Variants in CNPY1 observed in about 807,000 individuals in gnomAD.
CNPY1 encodes canopy FGF signaling regulator 1, also known as protein canopy homolog 1.
Under a neutral mutation model 14.4 loss-of-function variants are expected in CNPY1, and 14 were observed. The observed-to-expected ratio is 0.97, with a 90% CI of 0.64 to 1.52. The LOEUF (loss-of-function observed/expected upper bound fraction) is 1.52, where lower values mean the gene tolerates loss of function less well. CNPY1 is among the 40% of genes most tolerant of loss of function. CNPY1 has a pLI of 0.00. For synonymous variants in CNPY1, 43 were observed against 46.5 expected, an observed-to-expected ratio of 0.92 and a Z score of 0.31; for missense variants, 129 against 131.5, an observed-to-expected ratio of 0.98 and a Z score of 0.09.
chr7:155,534,730 C>A (rs895183344), intron 2 of CNPY1, among the ~76,000 whole-genome samples: 1 of 152,192 alleles, frequency 6.6e-6, no homozygotes, highest in Admixed American at 6.5e-5. Context: ...GAGACTGGAA[C>A]GTAATGGGAC....
At position 155,502,982 on chromosome 7, in the gene CNPY1, A is replaced by G. The variant is rs1392038676; in HGVS notation, c.*86T>C. 11 of 1,261,544 alleles carry G rather than the reference A, an allele frequency of 8.7e-6. No individual in the cohort carries two copies. The highest frequency in any genetic ancestry group is 1.2e-5 in the Non-Finnish European group (11 of 890,368). 78.1% of individuals were successfully genotyped at this position (1,261,544 alleles called of 1,614,324 possible). Reference sequence around the variant, plus strand: ...AACAAGAGACAAAATTTTTCTTATCATGAAAGACAACATGCAAACATAAAA... The same window carrying G: ...AACAAGAGACAAAATTTTTCTTATCGTGAAAGACAACATGCAAACATAAAA... On this transcript the variant is annotated 3_prime_UTR_variant, in exon 5 of 5. Transcript: ENST00000636446.
chr7:155,532,343 C>T (rs529484966), intron 2 of CNPY1, among the ~76,000 whole-genome samples: 1 of 152,264 alleles, frequency 6.6e-6, no homozygotes, highest in South Asian at 2.1e-4. Context: ...CCCAGATGGG[C>T]CCGGGGCCGT....
intron 2 of CNPY1, among the ~76,000 whole-genome samples, chr7:155,524,564 G>T (rs753563785): frequency 3.3e-5 from 5 of 152,190 alleles, no homozygotes; most frequent in Non-Finnish European, 7.3e-5. Flanking sequence ...GATCCAGGTT[G>T]TGGGCTCCCT....
intron 2 of CNPY1, among the ~76,000 whole-genome samples, chr7:155,523,742 A>G (rs1261013757): frequency 1.3e-5 from 2 of 152,216 alleles, no homozygotes; most frequent in East Asian, 1.9e-4. Context: ...AGAGACACTC[A>G]AGTCCTAACC....
intron 3 of CNPY1, among the ~76,000 whole-genome samples, chr7:155,507,587 A>G (rs1433536702): frequency 2.0e-5 from 3 of 151,866 alleles, no homozygotes; most frequent in African/African-American, 7.3e-5. Context: ...TGTGAAAACA[A>G]TTAAGCCTTC....
rs1585335697 is a variant in CNPY1 at position 155,538,247 on chromosome 7, C to T, written c.99+7584G>A. On this transcript the variant is annotated intron_variant, in intron 2 of 4. Coordinates refer to ENST00000636446, the MANE Select transcript of CNPY1 (RefSeq NM_001393663.1). ...CTTGCAAAACAATTTAGGGGTGATC[C>T]CTGAAACTCCTGGTTGCTAAGTGTG... Among the ~76,000 whole-genome samples the T allele has an allele frequency of 5.3e-5, 8 of 152,316 alleles. No homozygotes were observed. In the East Asian group the frequency reaches 1.4e-3, roughly 26 times the overall value.
At chr7:155,530,020 T>C (rs1347269627) in intron 2 of CNPY1, among the ~76,000 whole-genome samples, 4 of 152,056 alleles carry the variant, frequency 2.6e-5, no homozygotes, top group Non-Finnish European at 5.9e-5. Flanking sequence ...CAACCTCAAG[T>C]GATCCACCCA....
In CNPY1 at chr7:155,532,116, G is replaced by A. The variant is rs147404841; in HGVS notation, c.99+13715C>T. On this transcript the variant is annotated intron_variant, in intron 2 of 4. Transcript: ENST00000636446. ...CAATGTCTAGGAGGATACTTCATAAGTTAAAATGATACTAACATTTAGAGA... is the reference window on the plus strand; with the variant it reads ...CAATGTCTAGGAGGATACTTCATAAATTAAAATGATACTAACATTTAGAGA... 3.1e-3 allele frequency among the ~76,000 whole-genome samples: 467 copies of A among 152,378 alleles called. 3 individuals carry two copies. The highest frequency in any genetic ancestry group is 0.011 in the African/African-American group (441 of 41,598).
chr7:155,528,762 A>G (rs895505210), intron 2 of CNPY1, among the ~76,000 whole-genome samples: 1 of 152,180 alleles, frequency 6.6e-6, no homozygotes, highest in African/African-American at 2.4e-5. Context: ...TTCTCCACCT[A>G]AGAAAAAACA....
intron 2 of CNPY1, among the ~76,000 whole-genome samples, chr7:155,528,876 T>C (rs1040055362): frequency 9.9e-5 from 15 of 152,128 alleles, no homozygotes; most frequent in East Asian, 3.9e-4. Context: ...CTGGCTAACA[T>C]GATGAAACTG....
intron 2 of CNPY1, among the ~76,000 whole-genome samples, chr7:155,525,021 C>A (rs1451779943): frequency 6.6e-6 from 1 of 152,132 alleles, no homozygotes; most frequent in Non-Finnish European, 1.5e-5. Context: ...GCCATCAGCA[C>A]CTGGTGAACT....
Position 155,521,079 on chromosome 7 carries a change from C to G in CNPY1, c.100-11982G>C, listed in dbSNP as rs113204498. Among the ~76,000 whole-genome samples, 251 of 90,654 alleles carry G rather than the reference C, an allele frequency of 2.8e-3. 1 individual carries two copies. Among genetic ancestry groups the G allele is most frequent in the African/African-American group, 9.3e-3 (218 of 23,392 alleles). 59.5% of individuals were successfully genotyped at this position (90,654 alleles called of 152,430 possible). On this transcript the variant is annotated intron_variant, in intron 2 of 4. Coordinates refer to ENST00000636446, the MANE Select transcript of CNPY1 (RefSeq NM_001393663.1). The stretch of plus-strand genomic sequence containing the variant: ...AGAAGGAAGGAAGGAAGGAAGGAAG[C>G]AAGGAAGGAAGGAAGGAAGGAAGGA...
At chr7:155,527,972 G>C (rs1247738114) in intron 2 of CNPY1, among the ~76,000 whole-genome samples, 1 of 152,150 alleles carries the variant, frequency 6.6e-6, no homozygotes, top group Non-Finnish European at 1.5e-5. Context: ...CAGCTTGAGA[G>C]CTCCTTTGCT....
chr7:155,508,401 T>A (rs1796402427), intron 3 of CNPY1, among the ~76,000 whole-genome samples: 1 of 152,194 alleles, frequency 6.6e-6, no homozygotes, highest in Non-Finnish European at 1.5e-5. Context: ...AAAGAGGTGG[T>A]TGCATCACTC....
intron 4 of CNPY1, among the ~76,000 whole-genome samples, chr7:155,505,924 T>A (rs2116664520): frequency 6.6e-6 from 1 of 152,196 alleles, no homozygotes; most frequent in Non-Finnish European, 1.5e-5. Flanking sequence ...AACTGGATTT[T>A]AAACAGAAAC....
At chr7:155,505,695 A>G (rs1455243064) in intron 4 of CNPY1, among the ~76,000 whole-genome samples, 6 of 152,224 alleles carry the variant, frequency 3.9e-5, no homozygotes, top group Non-Finnish European at 7.3e-5. Flanking sequence ...AGGGAAATTA[A>G]TATTTCAAAT....
chr7:155,541,371 G>A (rs1797082210), intron 2 of CNPY1, among the ~76,000 whole-genome samples: 1 of 152,236 alleles, frequency 6.6e-6, no homozygotes, highest in African/African-American at 2.4e-5. Context: ...GTCCCCGGGA[G>A]CTGAGGTCCC....
At chr7:155,508,511 G>A (rs1407309520) in intron 3 of CNPY1, among the ~76,000 whole-genome samples, 3 of 152,200 alleles carry the variant, frequency 2.0e-5, no homozygotes, top group Non-Finnish European at 4.4e-5. Context: ...GTGGAAACCT[G>A]TGAGAGACCT....
chr7:155,515,718 G>A (rs936141506), intron 2 of CNPY1, among the ~76,000 whole-genome samples: 1 of 152,176 alleles, frequency 6.6e-6, no homozygotes, highest in Non-Finnish European at 1.5e-5. Context: ...AAGTTGTCTG[G>A]AACTGGGATG....
Sources: allele counts gnomAD v4.1 joint callset (sites outside exome capture counted in the v4.1 genomes callset), GRCh38; gene constraint gnomAD v4.1.1; transcripts MANE v1.5; gene names NCBI Gene and HGNC (gene_info 2026-07-23, HGNC 2026-07-21).